CYP27B1: variants seen among roughly 807,000 people sequenced by gnomAD.
CYP27B1 encodes the protein 25-hydroxyvitamin D-1 alpha hydroxylase, mitochondrial.
A neutral mutation model predicts 54.8 loss-of-function variants in CYP27B1; 46 were observed. That is an observed-to-expected ratio of 0.84 (90% CI 0.66 to 1.07). The LOEUF is 1.07. Among genes scored for constraint, CYP27B1 ranks in the 50% least tolerant of loss-of-function variants. The probability of loss-of-function intolerance (pLI) is 0.00; values close to 1 mark genes in which losing one functional copy is unlikely to be tolerated. For missense variants in CYP27B1, 674 were observed against 692.2 expected (o/e 0.97, Z 0.30); for synonymous variants, 292 against 297.3 (o/e 0.98, Z 0.18).
chr12:57,765,909 C>T lies in CYP27B1; in HGVS notation c.386+98G>A. 4.2e-6 allele frequency: 6 copies of T among 1,445,144 alleles called. No individual in the cohort carries two copies. Among genetic ancestry groups the T allele is most frequent in the Non-Finnish European group, 4.5e-6 (5 of 1,102,610 alleles). The allele number at this position is 1,445,144 out of a possible 1,614,324, so 89.5% of individuals were successfully genotyped here. On this transcript the variant is annotated intron_variant, in intron 2 of 8. Transcript: ENST00000228606. This position sits in a 1 kb window ranked among gnomAD's most constrained non-coding sequence, Gnocchi z 5.8. ...ATGCCCAATGGTAGAGTGGGACAGC[C>T]GACCTCCCACCATGCCCCCAGATTG...
rs753086020 is a variant in CYP27B1 at position 57,765,341 on chromosome 12, A to G, written c.545T>C (p.Leu182Pro). 1 of 1,613,458 alleles carries G rather than the reference A, an allele frequency of 6.2e-7. No homozygotes were observed. The highest frequency in any genetic ancestry group is 8.5e-7 in the Non-Finnish European group (1 of 1,179,806). ...QRGRGTGPPALVRDVAGEFYK... is the reference protein window; with the variant it reads ...QRGRGTGPPAPVRDVAGEFYK... ...AAATTCCCCCGCCACGTCCCGAACC[A>G]GGGCGGGCGGCCCCGTGCCACGTCC... The change falls in exon 3 of 9, where the codon CTG (leucine) becomes CCG (proline). Residue 182 changes from leucine (L) to proline (P), a missense_variant. Physicochemically the swap from Leu to Pro is moderately conservative, Grantham distance 98. Coordinates refer to ENST00000228606, the MANE Select transcript of CYP27B1 (RefSeq NM_000785.4). This position sits in a 1 kb window ranked among gnomAD's most constrained non-coding sequence, Gnocchi z 5.8.
Position 57,766,151 on chromosome 12 carries a change from C to A in CYP27B1, c.242G>T (p.Gly81Val). The A allele has an allele frequency of 6.5e-7, 1 of 1,546,754 alleles. No individual in the cohort carries two copies. ...AGCCACGTACACGGTGCGCACTGTCCCAAAGCTGGCTAGCCACACCGGCCC... is the reference window on the plus strand; with the variant it reads ...AGCCACGTACACGGTGCGCACTGTCACAAAGCTGGCTAGCCACACCGGCCC... The part of the protein sequence containing the change: ...HFGPVWLASF[G>V]TVRTVYVAAP... Residue 81 changes from glycine (G) to valine (V), a missense_variant, in exon 2 of 9, where the codon GGG becomes GTG. Physicochemically the swap from Gly to Val is moderately radical, Grantham distance 109 (BLOSUM62 -3). Transcript: ENST00000228606.
chr12:57,764,511 G>T lies in CYP27B1; in HGVS notation c.1003C>A (p.Arg335=). ...TLSWALYELS[R]HPEVQTALHS... Reference sequence around the variant, plus strand: ...AGTGCTGTCTGGACTTCGGGGTGCCGGGAGAGCTCATACAGAGCCCAAGAG... The same window carrying T: ...AGTGCTGTCTGGACTTCGGGGTGCCTGGAGAGCTCATACAGAGCCCAAGAG... The change falls in exon 6 of 9, where the codon CGG becomes AGG. Residue 335 remains arginine, a synonymous_variant. Transcript: ENST00000228606. 1 of 1,614,108 alleles carries T rather than the reference G, an allele frequency of 6.2e-7. No individual in the cohort carries two copies. The highest frequency in any genetic ancestry group is 8.5e-7 in the Non-Finnish European group (1 of 1,180,026).
Position 57,766,187 on chromosome 12 carries a change from GCGC to G in CYP27B1, c.203_205del (p.Gly68del), listed in dbSNP as rs1955359355. 2 of 1,539,304 alleles carry G rather than the reference GCGC, an allele frequency of 1.3e-6. No individual in the cohort carries two copies. The highest frequency in any genetic ancestry group is 2.7e-5 in the African/African-American group (2 of 72,836). The stretch of plus-strand genomic sequence containing the variant: ...TAGCCACACCGGCCCGAAGTGCGCG[GCGC>G]CCTGCACCTGGGGGAGCGGACACAG... On this transcript the variant is annotated inframe_deletion, in exon 2 of 9. Coordinates refer to ENST00000228606, the MANE Select transcript of CYP27B1 (RefSeq NM_000785.4).
intron 7 of CYP27B1, 36 bp downstream of exon 7, chr12:57,764,062 A>G (rs774051629): frequency 2.0e-6 from 3 of 1,522,836 alleles, no homozygotes; most frequent in South Asian, 2.2e-5. Flanking sequence ...ATAGTGAGGA[A>G]TGGCTCAGTA....
chr12:57,766,847 C>G lies in CYP27B1; in HGVS notation c.195G>C (p.Gln65His). The change falls in exon 1 of 9, where the codon CAG becomes CAC. Residue 65 changes from glutamine (Q) to histidine (H), a missense_variant and splice_region_variant. Physicochemically the swap from Gln to His is conservative, Grantham distance 24. Coordinates refer to ENST00000228606, the MANE Select transcript of CYP27B1 (RefSeq NM_000785.4). ...KGGLSRLHEL[Q>H]VQGAAHFGPV... ...TCTCGGGAAAGGCGTCCCTTCCTACCTGCAGCTCGTGTAGCCTCGACAGCC... is the reference window on the plus strand; with the variant it reads ...TCTCGGGAAAGGCGTCCCTTCCTACGTGCAGCTCGTGTAGCCTCGACAGCC... The G allele has an allele frequency of 6.2e-7, 1 of 1,614,250 alleles. No individual in the cohort carries two copies. Among genetic ancestry groups the G allele is most frequent in the Non-Finnish European group, 8.5e-7 (1 of 1,180,042 alleles).
At chr12:57,766,761 A>G in intron 1 of CYP27B1, 86 bp downstream of exon 1, 3 of 1,419,546 alleles carry the variant, frequency 2.1e-6, no homozygotes, top group South Asian at 2.3e-5. Context: ...GCTGTCCCAC[A>G]TTTGCTCTGC....
chr12:57,763,873 T>G, intron 7 of CYP27B1, 65 bp from the exon 8 acceptor site: 2 of 1,507,814 alleles, frequency 1.3e-6, no homozygotes, highest in Non-Finnish European at 1.8e-6. Flanking sequence ...AAGAAGAGGA[T>G]ATTCAGACAG....
chr12:57,765,924 C>T lies in CYP27B1; in HGVS notation c.386+83G>A. The T allele has an allele frequency of 6.9e-7, 1 of 1,459,118 alleles. No homozygotes were observed. The highest frequency in any genetic ancestry group is 9.0e-7 in the Non-Finnish European group (1 of 1,109,124). The allele number at this position is 1,459,118 out of a possible 1,614,324, so 90.4% of individuals were successfully genotyped here. On this transcript the variant is annotated intron_variant, in intron 2 of 8. Transcript: ENST00000228606. The surrounding 1 kb of genome is among the most constrained non-coding windows in gnomAD (Gnocchi z 5.8). The stretch of plus-strand genomic sequence containing the variant: ...GTGGGACAGCCGACCTCCCACCATG[C>T]CCCCAGATTGATAGTTTCGGGACCC...
rs1437679428 is a variant in CYP27B1, at chr12:57,765,446, C to A, written c.440G>T (p.Arg147Leu). The A allele has an allele frequency of 6.2e-7, 1 of 1,612,844 alleles. No homozygotes were observed. Among genetic ancestry groups the A allele is most frequent in the East Asian group, 2.2e-5 (1 of 44,856 alleles). ...GGCGTAGCGGGCGGCCGCTTGAGGC[C>A]GGAGGAGGAGCGGGGCCAGGAGACT... ...LRSLLAPLLL[R>L]PQAAARYAGT... Residue 147 changes from arginine (R) to leucine (L), a missense_variant, in exon 3 of 9, where the codon CGG (arginine) becomes CTG (leucine). By Grantham distance (102) the Arg-to-Leu change is moderately radical. Coordinates refer to ENST00000228606, the MANE Select transcript of CYP27B1 (RefSeq NM_000785.4). The surrounding 1 kb of genome is among the most constrained non-coding windows in gnomAD (Gnocchi z 5.8).
chr12:57,763,887 C>T (rs1184011964), intron 7 of CYP27B1, 79 bp from the exon 8 acceptor site: 2 of 1,444,520 alleles, frequency 1.4e-6, no homozygotes, highest in Non-Finnish European at 1.9e-6. Context: ...CAGACAGGGA[C>T]AAAGGCAGGT....
rs1955332299 is a variant in CYP27B1, at chr12:57,763,178, A to C, written c.1491T>G (p.Pro497=). The change falls in exon 9 of 9, where the codon CCT becomes CCG. Residue 497 remains proline (P), a synonymous_variant. Transcript: ENST00000228606. ...AAAACTGTAGGTTGATGCTCCTTTC[A>C]GGTACCAGGACAGTCCGGGTCTTGG... is the stretch of plus-strand genomic sequence containing the variant. ...VRPKTRTVLV[P]ERSINLQFLD... The C allele has an allele frequency of 6.2e-7, 1 of 1,614,020 alleles. No individual in the cohort carries two copies. The highest frequency in any genetic ancestry group is 2.2e-5 in the East Asian group (1 of 44,880).
Position 57,764,863 on chromosome 12 carries a change from T to C in CYP27B1, c.854A>G (p.Lys285Arg), listed in dbSNP as rs1480024371. Reference sequence around the variant, plus strand: ...CAGGTGCGCCCCAGACTCCAGGTCCTTCTCGGGCTGTCCTCCGTTCCTCAT... The same window carrying C: ...CAGGTGCGCCCCAGACTCCAGGTCCCTCTCGGGCTGTCCTCCGTTCCTCAT... ...AAMRNGGQPEKDLESGAHLTH... is the reference protein window; with the variant it reads ...AAMRNGGQPERDLESGAHLTH... The change falls in exon 5 of 9, where the codon AAG (lysine) becomes AGG (arginine). Residue 285 changes from lysine to arginine, a missense_variant. Lys to Arg is a conservative substitution (Grantham distance 26, BLOSUM62 2). Coordinates refer to ENST00000228606, the MANE Select transcript of CYP27B1 (RefSeq NM_000785.4). 1 of 1,614,172 alleles carries C rather than the reference T, an allele frequency of 6.2e-7. No individual in the cohort carries two copies. Among genetic ancestry groups the C allele is most frequent in the South Asian group, 1.1e-5 (1 of 91,070 alleles).
rs1253812549 is a variant in CYP27B1 at position 57,763,163 on chromosome 12, G to A, written c.1506C>T (p.Asn502=). The part of the protein sequence containing the change: ...RTVLVPERSI[N]LQFLDR ...GGGACTATCTGTCCAAAAACTGTAG[G>A]TTGATGCTCCTTTCAGGTACCAGGA... Residue 502 remains asparagine, a synonymous_variant, in exon 9 of 9, where the codon AAC becomes AAT. Transcript: ENST00000228606. 4 of 1,613,766 alleles carry A rather than the reference G, an allele frequency of 2.5e-6. No individual in the cohort carries two copies. The highest frequency in any genetic ancestry group is 3.4e-6 in the Non-Finnish European group (4 of 1,179,632).
At chr12:57,763,569 G>C in intron 8 of CYP27B1, 42 bp downstream of exon 8, 1 of 1,541,534 alleles carries the variant, frequency 6.5e-7, no homozygotes, top group South Asian at 1.1e-5. Context: ...GAGGGTTAGG[G>C]TCTCTCCAGT....
Position 57,766,052 on chromosome 12 carries a change from G to A in CYP27B1, c.341C>T (p.Thr114Met). ...RPERCSFSPW[T>M]EHRRCRQRAC... ...CCGCTGGCGGCAGCGGCGGTGCTCC[G>A]TCCAGGGCGAGAAGCTGCAGCGCTC... is the stretch of plus-strand genomic sequence containing the variant. The change falls in exon 2 of 9, where the codon ACG becomes ATG. Residue 114 changes from threonine (T) to methionine (M), a missense_variant. Thr to Met is a moderately conservative substitution (Grantham distance 81, BLOSUM62 -1). Transcript: ENST00000228606. The A allele has an allele frequency of 6.4e-7, 1 of 1,564,042 alleles. No homozygotes were observed. Among genetic ancestry groups the A allele is most frequent in the Non-Finnish European group, 8.6e-7 (1 of 1,158,954 alleles).
chr12:57,765,967 C>A lies in CYP27B1; in HGVS notation c.386+40G>T, dbSNP rs2454751. 24 of 1,510,918 alleles carry A rather than the reference C, an allele frequency of 1.6e-5. No individual in the cohort carries two copies. The Middle Eastern group carries it at 7.0e-4, about 44-fold the overall frequency. 93.6% of individuals were successfully genotyped at this position (1,510,918 alleles called of 1,614,324 possible). A position where few individuals can be genotyped will look rare whatever the true frequency, so the allele number is the denominator to read the frequency against. On this transcript the variant is annotated intron_variant, in intron 2 of 8. Coordinates refer to ENST00000228606, the MANE Select transcript of CYP27B1 (RefSeq NM_000785.4). This position sits in a 1 kb window ranked among gnomAD's most constrained non-coding sequence, Gnocchi z 5.8. Reference sequence around the variant, plus strand: ...CGGGACCCGCAGCAGGAGAGGGCCGCTGCAGGGCGTCTGGGCTTCTGGGGG... The same window carrying A: ...CGGGACCCGCAGCAGGAGAGGGCCGATGCAGGGCGTCTGGGCTTCTGGGGG...
chr12:57,764,004 T>A (rs933794130), intron 7 of CYP27B1, 94 bp downstream of exon 7: 7 of 1,179,234 alleles, frequency 5.9e-6, no homozygotes, highest in Non-Finnish European at 8.9e-6. Context: ...AAGGGGAGTG[T>A]TTGAAGGGCT....
At position 57,766,212 on chromosome 12, in the gene CYP27B1, A is replaced by C; in HGVS notation, c.196-15T>G. On this transcript the variant is annotated splice_polypyrimidine_tract_variant and intron_variant, in intron 1 of 8. Coordinates refer to ENST00000228606, the MANE Select transcript of CYP27B1 (RefSeq NM_000785.4). ...GCGCCCTGCACCTGGGGGAGCGGACACAGCGGACACTTGGATACCTGGGCG... is the reference window on the plus strand; with the variant it reads ...GCGCCCTGCACCTGGGGGAGCGGACCCAGCGGACACTTGGATACCTGGGCG... The C allele has an allele frequency of 2.0e-6, 3 of 1,525,894 alleles. No homozygotes were observed. Among genetic ancestry groups the C allele is most frequent in the Non-Finnish European group, 2.6e-6 (3 of 1,134,936 alleles). 94.5% of individuals were successfully genotyped at this position (1,525,894 alleles called of 1,614,324 possible).
Sources: gnomAD v4.1 joint callset for allele counts on GRCh38, gnomAD v4.1.1 for gene constraint, Gnocchi (gnomAD v3.1) non-coding constraint, MANE v1.5 for transcripts, NCBI Gene and HGNC (gene_info 2026-07-23, HGNC 2026-07-21) for gene names.